The following RIMS1 variants were observed in gnomAD, a reference collection of about 807,000 sequenced individuals.
The protein encoded by RIMS1 is regulating synaptic membrane exocytosis protein 1.
A neutral mutation model predicts 214.1 loss-of-function variants in RIMS1; 83 were observed. The observed-to-expected ratio is 0.39, with a 90% CI of 0.32 to 0.47. The LOEUF (loss-of-function observed/expected upper bound fraction) is 0.47. RIMS1 is among the 20% of genes least tolerant of loss of function. The pLI is 0.99. For synonymous variants in RIMS1, 793 were observed against 786.8 expected (o/e 1.01, Z -0.13); for missense variants, 2,050 against 2,161.8 (o/e 0.95, Z 1.03).
chr6:71,992,394 T>TTCTCTCTC (rs377623445), intron 2 of RIMS1, among the ~76,000 whole-genome samples: 8 of 98,014 alleles, frequency 8.2e-5, no homozygotes, highest in African/African-American at 1.6e-4. Flanking sequence ...GCTTCTTTCT[T>TTCTCTCTC]TCTCTCTCTC....
At chr6:71,927,432 TA>T (rs935684463) in intron 1 of RIMS1, among the ~76,000 whole-genome samples, 3 of 151,836 alleles carry the variant, frequency 2.0e-5, no homozygotes, top group Admixed American at 6.6e-5. Flanking sequence ...CTGTGATGAA[TA>T]AAAAAAAGTC....
At chr6:72,022,613 G>T (rs551286584) in intron 2 of RIMS1, among the ~76,000 whole-genome samples, 1 of 152,270 alleles carries the variant, frequency 6.6e-6, no homozygotes, top group South Asian at 2.1e-4. Flanking sequence ...TTTACATTAT[G>T]CAGAAAACCT....
chr6:71,930,927 C>A (rs1782837039), intron 1 of RIMS1, among the ~76,000 whole-genome samples: 1 of 151,916 alleles, frequency 6.6e-6, no homozygotes, highest in Non-Finnish European at 1.5e-5. Flanking sequence ...CAGAGATTGG[C>A]CTCATATTGA....
intron 2 of RIMS1, among the ~76,000 whole-genome samples, chr6:72,082,622 G>A (rs1163322212): frequency 6.6e-6 from 1 of 152,116 alleles, no homozygotes; most frequent in Non-Finnish European, 1.5e-5. Context: ...AAATATGCTT[G>A]TGCACTCACT....
Position 72,400,758 on chromosome 6 carries a change from G to A in RIMS1, c.*44G>A, listed in dbSNP as rs762926493. 142 of 1,399,814 alleles carry A rather than the reference G, an allele frequency of 1.0e-4. No individual in the cohort carries two copies. The highest frequency in any genetic ancestry group is 9.5e-5 in the Non-Finnish European group (95 of 998,672). The allele number at this position is 1,399,814 out of a possible 1,614,324, so 86.7% of individuals were successfully genotyped here. A position where few individuals can be genotyped will look rare whatever the true frequency, so the allele number is the denominator to read the frequency against. ...ATTCCAATAAAACTCTACTTTTCAG[G>A]ATAATAATCTGAACCAGATATTTCA... On this transcript the variant is annotated 3_prime_UTR_variant, in exon 34 of 34. Transcript: ENST00000521978.
At chr6:71,900,184 G>T (rs1274262756) in intron 1 of RIMS1, among the ~76,000 whole-genome samples, 1 of 152,034 alleles carries the variant, frequency 6.6e-6, no homozygotes, top group Non-Finnish European at 1.5e-5. Flanking sequence ...GGCAAATAGG[G>T]GTGAAGTACC....
At chr6:72,044,114 A>G (rs913976534) in intron 2 of RIMS1, among the ~76,000 whole-genome samples, 2 of 151,814 alleles carry the variant, frequency 1.3e-5, no homozygotes, top group African/African-American at 4.8e-5. Flanking sequence ...TTAAGTGTGG[A>G]AAACTTTTCA....
chr6:71,898,449 A>G (rs1461842141), intron 1 of RIMS1, among the ~76,000 whole-genome samples: 1 of 152,160 alleles, frequency 6.6e-6, no homozygotes, highest in Non-Finnish European at 1.5e-5. Context: ...TAACCCATAC[A>G]TAATAGGCCT....
chr6:72,341,484 A>T (rs945541945), intron 29 of RIMS1, among the ~76,000 whole-genome samples: 1 of 151,826 alleles, frequency 6.6e-6, no homozygotes, highest in Admixed American at 6.6e-5. Context: ...TTTAAATTTT[A>T]TGAAGAAGAC....
intron 6 of RIMS1, among the ~76,000 whole-genome samples, chr6:72,224,212 C>T (rs917072211): frequency 1.3e-5 from 2 of 152,092 alleles, no homozygotes; most frequent in Non-Finnish European, 2.9e-5. Flanking sequence ...GTTCCAGGTG[C>T]ATGGTTGTTT....
At chr6:72,384,552 T>C (rs2098552151) in intron 29 of RIMS1, among the ~76,000 whole-genome samples, 1 of 152,168 alleles carries the variant, frequency 6.6e-6, no homozygotes, top group African/African-American at 2.4e-5. Flanking sequence ...TTACTGCTTT[T>C]CCCCCACCTT....
At chr6:72,354,132 A>T (rs2097552659) in intron 29 of RIMS1, among the ~76,000 whole-genome samples, 1 of 152,194 alleles carries the variant, frequency 6.6e-6, no homozygotes, top group Admixed American at 6.5e-5. Flanking sequence ...AGGCAGGAGG[A>T]TCACTTGAAC....
chr6:72,084,693 C>T (rs576883797), intron 2 of RIMS1, among the ~76,000 whole-genome samples: 1 of 152,148 alleles, frequency 6.6e-6, no homozygotes, highest in South Asian at 2.1e-4. Context: ...GGAGTGGCCT[C>T]CTATGGTAAA....
intron 6 of RIMS1, among the ~76,000 whole-genome samples, chr6:72,193,449 C>A (rs1432670134): frequency 6.6e-6 from 1 of 152,194 alleles, no homozygotes; most frequent in African/African-American, 2.4e-5. Context: ...CCAATCTCAG[C>A]CTTTACAAAA....
At chr6:71,932,190 C>T in intron 1 of RIMS1, among the ~76,000 whole-genome samples, 1 of 152,152 alleles carries the variant, frequency 6.6e-6, no homozygotes, top group South Asian at 2.1e-4. Context: ...ATGTTCATTG[C>T]AGCTATTCAC....
rs147017586 is a variant in RIMS1 at position 72,128,689 on chromosome 6, T to G, written c.471+28703T>G. Among the ~76,000 whole-genome samples the G allele has an allele frequency of 5.3e-3, 807 of 152,330 alleles. 6 individuals carry two copies. The highest frequency in any genetic ancestry group is 0.018 in the African/African-American group (768 of 41,568). On this transcript the variant is annotated intron_variant, in intron 4 of 33. Coordinates refer to ENST00000521978, the MANE Select transcript of RIMS1 (RefSeq NM_014989.7). ...CAAATAAATCAAGAATATTTAATAT[T>G]TTGTCTGATTTGAATGTGACTTTAA... is the stretch of plus-strand genomic sequence containing the variant.
intron 6 of RIMS1, 29 bp downstream of exon 6, chr6:72,183,178 A>G: frequency 6.3e-7 from 1 of 1,577,582 alleles, no homozygotes. Flanking sequence ...CCGTGCGGGG[A>G]CTTCAGCCAA....
chr6:72,318,513 T>G (rs1478171886), intron 28 of RIMS1, among the ~76,000 whole-genome samples: 1 of 152,214 alleles, frequency 6.6e-6, no homozygotes, highest in Non-Finnish European at 1.5e-5. Context: ...TCTTGTACAA[T>G]GTTTTAATTA....
At chr6:72,324,871 T>C (rs2096378937) in intron 28 of RIMS1, among the ~76,000 whole-genome samples, 1 of 151,674 alleles carries the variant, frequency 6.6e-6, no homozygotes, top group Non-Finnish European at 1.5e-5. Flanking sequence ...TGCAACAGAG[T>C]CAGTATGAAA....
Sources: allele counts gnomAD v4.1 joint callset (sites outside exome capture counted in the v4.1 genomes callset), GRCh38; gene constraint gnomAD v4.1.1; transcripts MANE v1.5; gene names NCBI Gene and HGNC (gene_info 2026-07-23, HGNC 2026-07-21).